Variants in BCORL1 observed in about 807,000 individuals in gnomAD.
BCORL1 encodes BCL6 corepressor like 1, also known as BCL-6 corepressor-like protein 1.
BCORL1 carries 7 observed loss-of-function variants against 87.6 expected under a neutral mutation model. The observed-to-expected ratio is 0.08, with a 90% confidence interval of 0.05 to 0.15. The LOEUF (loss-of-function observed/expected upper bound fraction) is 0.15. BCORL1 is among the 10% of genes least tolerant of loss of function. BCORL1 has a pLI of 1.00. For synonymous variants in BCORL1, 591 were observed against 634.4 expected, an observed-to-expected ratio of 0.93 and a Z score of 1.03; for missense variants, 1,215 against 1,499.7, an observed-to-expected ratio of 0.81 and a Z score of 3.13.
intron 10 of BCORL1, 134 bp downstream of exon 10, chrX:130,037,667 C>A: frequency 1.3e-6 from 1 of 742,803 alleles, no homozygotes; most frequent in Non-Finnish European, 1.9e-6. Flanking sequence ...CCAAGGCGGG[C>A]GGATCATGAG....
intron 1 of BCORL1, among the ~76,000 whole-genome samples, chrX:130,003,352 CCTT>C (rs756573324): frequency 0.021 from 2,151 of 103,908 alleles, 26 homozygotes; most frequent in Non-Finnish European, 0.031. Context: ...TCCTCCTCCT[CCTT>C]CTTCTTCTTC....
rs770911891 is a variant in BCORL1 at position 130,052,020 on chromosome X, A to G, written c.5075+4A>G. The G allele has an allele frequency of 3.4e-6, 4 of 1,177,222 alleles. No homozygotes were observed. In the African/African-American group the frequency reaches 7.1e-5, roughly 21 times the overall value. ...TCCAAGTGTCAGTGTCCCGCGGGTA[A>G]GTGTCCGAGAGATCCACGGTGACTG... On this transcript the variant is annotated splice_donor_region_variant and intron_variant, in intron 13 of 13. Transcript: ENST00000540052.
In BCORL1 at chrX:130,022,995, G is replaced by C; in HGVS notation, c.3688+18G>C. 1 of 1,161,899 alleles carries C rather than the reference G, an allele frequency of 8.6e-7. No homozygotes were observed. Among genetic ancestry groups the C allele is most frequent in the Non-Finnish European group, 1.2e-6 (1 of 850,399 alleles). Reference sequence around the variant, plus strand: ...TCAGTCTGGTGAGTGAGACTAAGGTGATGGCCCCTCTCAGCATCTTCTATG... The same window carrying C: ...TCAGTCTGGTGAGTGAGACTAAGGTCATGGCCCCTCTCAGCATCTTCTATG... On this transcript the variant is annotated intron_variant, in intron 6 of 13. Coordinates refer to ENST00000540052, the MANE Select transcript of BCORL1 (RefSeq NM_001379451.1).
intron 1 of BCORL1, among the ~76,000 whole-genome samples, chrX:129,999,839 A>G (rs981036080): frequency 3.7e-5 from 4 of 108,319 alleles, no homozygotes; most frequent in Non-Finnish European, 7.6e-5. Context: ...ACGCTCGGCT[A>G]TTTTTTGTAT....
At chrX:130,043,780 A>ATTTTTT (rs1225149554) in intron 11 of BCORL1, among the ~76,000 whole-genome samples, 1 of 21,741 alleles carries the variant, frequency 4.6e-5, no homozygotes, top group African/African-American at 3.4e-4. Flanking sequence ...ATATATATAT[A>ATTTTTT]TATATTTTTT....
At chrX:130,042,016 G>A (rs903508275) in intron 11 of BCORL1, among the ~76,000 whole-genome samples, 4 of 111,785 alleles carry the variant, frequency 3.6e-5, no homozygotes, top group Admixed American at 1.9e-4. Context: ...ATTTGAGACA[G>A]AGTCTTGCTG....
chrX:129,997,927 T>A (rs1322475448), intron 1 of BCORL1, among the ~76,000 whole-genome samples: 1 of 107,349 alleles, frequency 9.3e-6, no homozygotes, highest in Non-Finnish European at 1.9e-5. Flanking sequence ...ATTCATTTCC[T>A]GGGATCTTGG....
rs754059079 is a variant in BCORL1, at chrX:130,037,348, G to A, written c.4528-19G>A. ...AATTAGACCTCTCTTTGCTCATGGAGTTGTCCCTGTCCCCACAGGATGTTG... is the reference window on the plus strand; with the variant it reads ...AATTAGACCTCTCTTTGCTCATGGAATTGTCCCTGTCCCCACAGGATGTTG... On this transcript the variant is annotated intron_variant, in intron 9 of 13. Transcript: ENST00000540052. 3.3e-6 allele frequency: 4 copies of A among 1,207,647 alleles called. No individual in the cohort carries two copies. The highest frequency in any genetic ancestry group is 4.5e-6 in the Non-Finnish European group (4 of 891,774).
intron 1 of BCORL1, among the ~76,000 whole-genome samples, chrX:129,995,957 A>G (rs1174241204): frequency 9.0e-6 from 1 of 111,435 alleles, no homozygotes; most frequent in Non-Finnish European, 1.9e-5. Flanking sequence ...CCTATGGAAA[A>G]CAATGAGCAG....
At chrX:129,984,387 A>T (rs1158537985) in intron 1 of BCORL1, among the ~76,000 whole-genome samples, 3 of 107,869 alleles carry the variant, frequency 2.8e-5, no homozygotes, top group African/African-American at 6.8e-5. Context: ...AGCCGGGACG[A>T]CGACGACGAG....
chrX:129,995,566 G>A (rs1052220535), intron 1 of BCORL1, among the ~76,000 whole-genome samples: 3 of 110,647 alleles, frequency 2.7e-5, no homozygotes, highest in East Asian at 5.7e-4. Flanking sequence ...TCAGCCTCCC[G>A]AGTAGCTGGG....
chrX:130,050,696 T>C lies in BCORL1; in HGVS notation c.4841-21T>C, dbSNP rs752370788. The C allele has an allele frequency of 3.3e-6, 4 of 1,200,564 alleles. No individual in the cohort carries two copies. In the African/African-American group the frequency reaches 7.0e-5, roughly 21 times the overall value. On this transcript the variant is annotated intron_variant, in intron 11 of 13. Transcript: ENST00000540052. ...CCCCAGCCTAACCTCCTTGTCTCACTGCCTGCTCTTCTTTCATCAGATCAC... is the reference window on the plus strand; with the variant it reads ...CCCCAGCCTAACCTCCTTGTCTCACCGCCTGCTCTTCTTTCATCAGATCAC...
Position 130,039,291 on chromosome X carries a change from G to T in BCORL1, c.4840+9G>T. On this transcript the variant is annotated intron_variant, in intron 11 of 13. Transcript: ENST00000540052. ...GAAGCGCTTTCTCAGTGGTAAGCAT[G>T]GTCCAGACTTGACACTGTTGTCCTT... 1 of 1,206,980 alleles carries T rather than the reference G, an allele frequency of 8.3e-7. No individual in the cohort carries two copies.
chrX:129,980,892 A>G (rs1363025328), upstream of BCORL1, among the ~76,000 whole-genome samples: 2 of 96,575 alleles, frequency 2.1e-5, no homozygotes, highest in Non-Finnish European at 4.2e-5. Context: ...CCGGACCCGC[A>G]GGGAGAGGGC....
At position 130,024,275 on chromosome X, in the gene BCORL1, C is replaced by T. The variant is rs780258237; in HGVS notation, c.3689-715C>T. On this transcript the variant is annotated intron_variant, in intron 6 of 13. Coordinates refer to ENST00000540052, the MANE Select transcript of BCORL1 (RefSeq NM_001379451.1). ...CCCAGCGGTGAGGAACAGCTACAAC[C>T]GGGTGGAGGGAGGTGCCTGGGAGGA... 3.1e-4 allele frequency among the ~76,000 whole-genome samples: 34 copies of T among 110,820 alleles called. No homozygotes were observed. The East Asian group carries it at 9.1e-3, about 30-fold the overall frequency.
Position 130,039,230 on chromosome X carries a change from T to G in BCORL1, c.4788T>G (p.Gly1596=). Residue 1596 remains glycine (G), a synonymous_variant, in exon 11 of 14, where the codon GGT becomes GGG. Transcript: ENST00000540052. The part of the protein sequence containing the change: ...GADPTLATYS[G]QTAMKLASSD... ...ATCCCACACTGGCTACCTACTCGGG[T>G]CAGACAGCCATGAAGCTGGCCAGCA... 8.3e-7 allele frequency: 1 copy of G among 1,210,862 alleles called. No individual in the cohort carries two copies. Among genetic ancestry groups the G allele is most frequent in the Non-Finnish European group, 1.1e-6 (1 of 895,293 alleles).
chrX:129,997,794 C>CAA (rs1229437098), intron 1 of BCORL1, among the ~76,000 whole-genome samples: 61 of 28,882 alleles, frequency 2.1e-3, no homozygotes, highest in African/African-American at 5.6e-3. Context: ...TCCGACTCAC[C>CAA]AAAAAAAAAA....
intron 6 of BCORL1, 94 bp from the exon 7 acceptor site, chrX:130,024,896 G>C: frequency 9.0e-7 from 1 of 1,116,093 alleles, no homozygotes; most frequent in South Asian, 2.1e-5. Context: ...CTTGAACCCA[G>C]ACCTTCAAAC....
chrX:130,001,907 T>C (rs998053413), intron 1 of BCORL1, among the ~76,000 whole-genome samples: 1 of 110,271 alleles, frequency 9.1e-6, no homozygotes, highest in Non-Finnish European at 1.9e-5. Context: ...GAATTGATTG[T>C]AGAATCAAGA....
Sources: allele counts gnomAD v4.1 joint callset (sites outside exome capture counted in the v4.1 genomes callset), GRCh38; gene constraint gnomAD v4.1.1; transcripts MANE v1.5; gene names NCBI Gene and HGNC (gene_info 2026-07-23, HGNC 2026-07-21).